ETV6: variants seen among roughly 807,000 people sequenced by gnomAD.
ETV6 encodes the protein ETS variant transcription factor 6, also known as transcription factor ETV6.
ETV6 carries 16 observed loss-of-function variants against 51.1 expected under a neutral mutation model. That is an observed-to-expected ratio of 0.31 (90% CI 0.21 to 0.48). ETV6 has a LOEUF of 0.48. Ranked by LOEUF, ETV6 falls within the 20% of genes least tolerant of loss-of-function variation. ETV6 has a pLI of 0.99. For missense variants in ETV6, 458 were observed against 594.8 expected, an observed-to-expected ratio of 0.77 and a Z score of 2.39; for synonymous variants, 240 against 224.1, an observed-to-expected ratio of 1.07 and a Z score of -0.64.
chr12:11,778,298 G>A (rs754392627), intron 2 of ETV6, among the ~76,000 whole-genome samples: 5 of 152,196 alleles, frequency 3.3e-5, no homozygotes, highest in Admixed American at 6.5e-5. Flanking sequence ...GCAGCCTGGC[G>A]AGCGCACACG....
At chr12:11,650,350 C>CA (rs1022913107) in intron 1 of ETV6, among the ~76,000 whole-genome samples, 190 bp downstream of exon 1, 2 of 137,350 alleles carry the variant, frequency 1.5e-5, no homozygotes, top group African/African-American at 3.5e-5. Context: ...CTACTCCCCC[C>CA]CACCGCCGAG....
At position 11,837,522 on chromosome 12, in the gene ETV6, G is replaced by A. The variant is rs138325458; in HGVS notation, c.164-1618G>A. ...CCAGAGGCCCTGGACATTTTCCAGGGCATTTGAGCCGTTTGTTCCCCACTT... is the reference window on the plus strand; with the variant it reads ...CCAGAGGCCCTGGACATTTTCCAGGACATTTGAGCCGTTTGTTCCCCACTT... On this transcript the variant is annotated intron_variant, in intron 2 of 7. Coordinates refer to ENST00000396373, the MANE Select transcript of ETV6 (RefSeq NM_001987.5). 6.7e-4 allele frequency among the ~76,000 whole-genome samples: 102 copies of A among 152,288 alleles called. No homozygotes were observed. In the Middle Eastern group the frequency reaches 0.014, roughly 20 times the overall value.
chr12:11,798,974 C>T (rs1185744172), intron 2 of ETV6, among the ~76,000 whole-genome samples: 1 of 152,178 alleles, frequency 6.6e-6, no homozygotes, highest in Non-Finnish European at 1.5e-5. Context: ...TCTGCCAAAA[C>T]AAATGTATGT....
At chr12:11,818,710 C>G (rs796522723) in intron 2 of ETV6, among the ~76,000 whole-genome samples, 5 of 152,260 alleles carry the variant, frequency 3.3e-5, no homozygotes, top group African/African-American at 7.2e-5. Flanking sequence ...CTAGTGTTCA[C>G]TTTGCTCAGT....
intron 2 of ETV6, among the ~76,000 whole-genome samples, chr12:11,801,254 G>A (rs963339260): frequency 1.3e-5 from 2 of 152,296 alleles, no homozygotes; most frequent in East Asian, 1.9e-4. Flanking sequence ...TTAAAAGAAC[G>A]AGGCAAACTT....
intron 2 of ETV6, among the ~76,000 whole-genome samples, chr12:11,771,423 T>C (rs766808576): frequency 6.6e-6 from 1 of 152,214 alleles, no homozygotes; most frequent in African/African-American, 2.4e-5. Flanking sequence ...CTAAATACTT[T>C]GGAGCTAAAT....
Position 11,752,367 on chromosome 12 carries a change from C to G in ETV6, c.34-83C>G, listed in dbSNP as rs1033416851. On this transcript the variant is annotated intron_variant, in intron 1 of 7. Coordinates refer to ENST00000396373, the MANE Select transcript of ETV6 (RefSeq NM_001987.5). ...CATGCCCCGCCTCCCTTTTGCTCCC[C>G]ACCCCGAGATGGTCTCATACCTCCA... The G allele has an allele frequency of 1.0e-5, 15 of 1,493,774 alleles. No homozygotes were observed. In the Admixed American group the frequency reaches 2.7e-4, roughly 27 times the overall value. 92.5% of individuals were successfully genotyped at this position (1,493,774 alleles called of 1,614,324 possible).
chr12:11,698,575 A>G lies in ETV6; in HGVS notation c.33+48415A>G, dbSNP rs1462221956. Among the ~76,000 whole-genome samples the G allele has an allele frequency of 2.1e-5, 3 of 144,236 alleles. No individual in the cohort carries two copies. The South Asian group carries it at 7.0e-4, about 33-fold the overall frequency. 94.6% of individuals were successfully genotyped at this position (144,236 alleles called of 152,430 possible). On this transcript the variant is annotated intron_variant, in intron 1 of 7. Transcript: ENST00000396373. ...ACTATGTGGGCCTCCCAACCTAGAC[A>G]CCCACAACATGGCAGCCTGCTCCTT... is the stretch of plus-strand genomic sequence containing the variant.
intron 1 of ETV6, among the ~76,000 whole-genome samples, chr12:11,694,992 C>A (rs562737691): frequency 6.6e-6 from 1 of 152,310 alleles, no homozygotes; most frequent in African/African-American, 2.4e-5. Flanking sequence ...TAGTATAGGT[C>A]ATCTCTGTAC....
intron 1 of ETV6, among the ~76,000 whole-genome samples, chr12:11,749,288 TACACACACAC>T (rs761925697): frequency 0.021 from 2,561 of 122,834 alleles, 50 homozygotes; most frequent in East Asian, 0.032. Flanking sequence ...ATCCCCCCCA[TACACACACAC>T]ACACACACAC....
At position 11,788,192 on chromosome 12, in the gene ETV6, T is replaced by C. The variant is rs148756196; in HGVS notation, c.163+35613T>C. 4.6e-3 allele frequency among the ~76,000 whole-genome samples: 705 copies of C among 152,360 alleles called. 4 individuals carry two copies. Among genetic ancestry groups the C allele is most frequent in the Non-Finnish European group, 5.4e-3 (366 of 68,030 alleles). On this transcript the variant is annotated intron_variant, in intron 2 of 7. Coordinates refer to ENST00000396373, the MANE Select transcript of ETV6 (RefSeq NM_001987.5). The stretch of plus-strand genomic sequence containing the variant: ...CATAGGATTAGGGACTCCAGCAATA[T>C]GTGTTTAGCACAGGGCTATAGTCAC...
At chr12:11,771,977 A>G (rs571254563) in intron 2 of ETV6, among the ~76,000 whole-genome samples, 17 of 152,228 alleles carry the variant, frequency 1.1e-4, no homozygotes, top group Non-Finnish European at 2.2e-4. Flanking sequence ...ACCAGTGCTG[A>G]TGGTCAATCA....
intron 1 of ETV6, among the ~76,000 whole-genome samples, chr12:11,726,113 T>C (rs1165538989): frequency 6.6e-6 from 1 of 152,248 alleles, no homozygotes; most frequent in African/African-American, 2.4e-5. Context: ...ATTTGGCCTA[T>C]AGTACATACT....
At chr12:11,860,604 A>C (rs183532862) in intron 4 of ETV6, among the ~76,000 whole-genome samples, 107 of 152,254 alleles carry the variant, frequency 7.0e-4, no homozygotes, top group Middle Eastern at 3.4e-3. Context: ...AAATGAGTTA[A>C]TACGGAAAAT....
intron 2 of ETV6, among the ~76,000 whole-genome samples, chr12:11,792,066 G>A (rs1472967994): frequency 6.6e-6 from 1 of 152,194 alleles, no homozygotes; most frequent in African/African-American, 2.4e-5. Context: ...TAAAAGCAAA[G>A]CCTGTATCCA....
Position 11,889,001 on chromosome 12 carries a change from G to A in ETV6, c.1254-1940G>A, listed in dbSNP as rs189206734. Among the ~76,000 whole-genome samples the A allele has an allele frequency of 1.1e-3, 167 of 152,074 alleles. 2 individuals are homozygous for A. The highest frequency in any genetic ancestry group is 7.1e-3 in the South Asian group (34 of 4,806). On this transcript the variant is annotated intron_variant, in intron 7 of 7. Coordinates refer to ENST00000396373, the MANE Select transcript of ETV6 (RefSeq NM_001987.5). ...AGATTATAAGCTCCTAGAAGGTAGA[G>A]GATTCTATTTTTTATCATTCTATAT...
chr12:11,681,119 T>G (rs1217429457), intron 1 of ETV6, among the ~76,000 whole-genome samples: 2 of 152,224 alleles, frequency 1.3e-5, no homozygotes, highest in African/African-American at 4.8e-5. Flanking sequence ...CTTTCTAATA[T>G]GGATGGAGGA....
chr12:11,780,196 C>T (rs1009667624), intron 2 of ETV6, among the ~76,000 whole-genome samples: 1 of 152,126 alleles, frequency 6.6e-6, no homozygotes, highest in African/African-American at 2.4e-5. Flanking sequence ...ACTGTTACAA[C>T]CTCTAGTTTG....
chr12:11,842,437 C>T (rs1946405732), intron 3 of ETV6, among the ~76,000 whole-genome samples: 1 of 140,372 alleles, frequency 7.1e-6, no homozygotes, highest in South Asian at 2.4e-4. Context: ...CACACACACA[C>T]ACAGTGTTAT....
Sources: allele counts gnomAD v4.1 joint callset (sites outside exome capture counted in the v4.1 genomes callset), GRCh38; gene constraint gnomAD v4.1.1; transcripts MANE v1.5; gene names NCBI Gene and HGNC (gene_info 2026-07-23, HGNC 2026-07-21).